The following UCN3 variants were observed in gnomAD, a reference collection of about 807,000 sequenced individuals.
UCN3 encodes urocortin-3.
Under a neutral mutation model 3.6 loss-of-function variants are expected in UCN3, and 3 were observed. The observed-to-expected ratio is 0.83, with a 90% CI of 0.38 to 2.15. UCN3 has a LOEUF of 2.15. UCN3 is among the 30% of genes most tolerant of loss of function. UCN3 has a pLI of 0.06. For missense variants in UCN3, 206 were observed against 208.3 expected (o/e 0.99, Z 0.07); for synonymous variants, 100 against 93.2 (o/e 1.07, Z -0.42).
chr10:5,370,411 G>A (rs1340335537), intron 1 of UCN3, among the ~76,000 whole-genome samples: 9 of 42,778 alleles, frequency 2.1e-4, no homozygotes, highest in African/African-American at 5.4e-4. Context: ...GTGTGTATAT[G>A]TGTGTGTGTA....
At chr10:5,369,392 G>A (rs1227181629) in intron 1 of UCN3, among the ~76,000 whole-genome samples, 1 of 152,258 alleles carries the variant, frequency 6.6e-6, no homozygotes, top group Non-Finnish European at 1.5e-5. Flanking sequence ...CAGACAAGGA[G>A]CTTTCATACA....
chr10:5,370,705 GTA>G (rs1831388756), intron 1 of UCN3, among the ~76,000 whole-genome samples: 2 of 107,094 alleles, frequency 1.9e-5, no homozygotes, highest in South Asian at 3.8e-4. Context: ...ATATGTGTGT[GTA>G]TATGATGTGT....
intron 1 of UCN3, among the ~76,000 whole-genome samples, chr10:5,371,704 A>G (rs1193743560): frequency 6.6e-6 from 1 of 152,184 alleles, no homozygotes; most frequent in African/African-American, 2.4e-5. Flanking sequence ...CCTGCTCTGC[A>G]CTGTCACCGC....
chr10:5,370,889 G>GTATGTGCGTGTC (rs1831410189), intron 1 of UCN3, among the ~76,000 whole-genome samples: 1 of 145,408 alleles, frequency 6.9e-6, no homozygotes, highest in Admixed American at 6.8e-5. Flanking sequence ...ATATGCGTGT[G>GTATGTGCGTGTC]TATATGCGTG....
Position 5,374,559 on chromosome 10 carries a change from G to T in UCN3, c.*353G>T, listed in dbSNP as rs959377024. On this transcript the variant is annotated 3_prime_UTR_variant, in exon 2 of 2. Coordinates refer to ENST00000380433, the MANE Select transcript of UCN3 (RefSeq NM_053049.4). The stretch of plus-strand genomic sequence containing the variant: ...TCTTCTCTCTGTTGACCCCATGCCT[G>T]AGAAGAGAGCGTTCAGGGCTCCTCT... The T allele has an allele frequency of 4.6e-6, 1 of 218,412 alleles. No individual in the cohort carries two copies. Among genetic ancestry groups the T allele is most frequent in the African/African-American group, 2.3e-5 (1 of 43,966 alleles). The allele number at this position is 218,412 out of a possible 1,614,324, so 13.5% of individuals were successfully genotyped here.
rs1831408261 is a variant in UCN3 at position 5,370,871 on chromosome 10, G to GTGTGTATA, written c.-6-2839_-6-2838insATATGTGT. On this transcript the variant is annotated intron_variant, in intron 1 of 1. Coordinates refer to ENST00000380433, the MANE Select transcript of UCN3 (RefSeq NM_053049.4). Reference sequence around the variant, plus strand: ...TGTGCGCGTGTGTGTGCGTGTGTATGTGTGTGTATATGCGTGTGTATATGC... The same window carrying GTGTGTATA: ...TGTGCGCGTGTGTGTGCGTGTGTATGTGTGTATATGTGTGTATATGCGTGTGTATATGC... 1.5e-4 allele frequency among the ~76,000 whole-genome samples: 20 copies of GTGTGTATA among 135,326 alleles called. 1 individual carries two copies. The highest frequency in any genetic ancestry group is 3.0e-4 in the African/African-American group (10 of 33,516). 88.8% of individuals were successfully genotyped at this position (135,326 alleles called of 152,430 possible). A position where few individuals can be genotyped will look rare whatever the true frequency, so the allele number is the denominator to read the frequency against.
intron 1 of UCN3, among the ~76,000 whole-genome samples, chr10:5,371,790 A>T (rs939482664): frequency 6.6e-6 from 1 of 152,226 alleles, no homozygotes; most frequent in East Asian, 1.9e-4. Flanking sequence ...TACTTACCCA[A>T]TTGTTCTTAT....
Position 5,370,884 on chromosome 10 carries a change from CGT to C in UCN3, c.-6-2826_-6-2825del, listed in dbSNP as rs1372888982. ...GTGCGTGTGTATGTGTGTGTATATG[CGT>C]GTGTATATGCGTGTGTATATGCGTG... On this transcript the variant is annotated intron_variant, in intron 1 of 1. Coordinates refer to ENST00000380433, the MANE Select transcript of UCN3 (RefSeq NM_053049.4). 1.0e-3 allele frequency among the ~76,000 whole-genome samples: 33 copies of C among 32,444 alleles called. 2 individuals are homozygous for C. The highest frequency in any genetic ancestry group is 5.3e-3 in the South Asian group (4 of 752). The allele number at this position is 32,444 out of a possible 152,430, so 21.3% of individuals were successfully genotyped here. A position where few individuals can be genotyped will look rare whatever the true frequency, so the allele number is the denominator to read the frequency against.
chr10:5,370,022 T>TGTGTGTATATGC lies in UCN3; in HGVS notation c.-6-3672_-6-3661dup, dbSNP rs1398139118. Reference sequence around the variant, plus strand: ...GTGTGTGTGTATGTGTGTGTATATGTGTGTGTATATGCGTGTGTATATGCG... The same window carrying TGTGTGTATATGC: ...GTGTGTGTGTATGTGTGTGTATATGTGTGTGTATATGCGTGTGTATATGCGTGTGTATATGCG... On this transcript the variant is annotated intron_variant, in intron 1 of 1. Coordinates refer to ENST00000380433, the MANE Select transcript of UCN3 (RefSeq NM_053049.4). Among the ~76,000 whole-genome samples the TGTGTGTATATGC allele has an allele frequency of 9.7e-5, 6 of 61,572 alleles. 1 individual carries two copies. Among genetic ancestry groups the TGTGTGTATATGC allele is most frequent in the South Asian group, 1.2e-3 (2 of 1,666 alleles). 40.4% of individuals were successfully genotyped at this position (61,572 alleles called of 152,430 possible). A position where few individuals can be genotyped will look rare whatever the true frequency, so the allele number is the denominator to read the frequency against.
chr10:5,369,931 G>GTTCA (rs1564442107), intron 1 of UCN3, among the ~76,000 whole-genome samples: 5 of 127,156 alleles, frequency 3.9e-5, no homozygotes, highest in African/African-American at 1.7e-4. Context: ...GTGTATGTGT[G>GTTCA]TGTGTGTATG....
intron 1 of UCN3, 91 bp from the exon 2 acceptor site, chr10:5,373,624 A>G: frequency 6.6e-7 from 1 of 1,520,310 alleles, no homozygotes; most frequent in Non-Finnish European, 8.8e-7. Flanking sequence ...GTAGTGGAAC[A>G]TTAACAACAC....
At position 5,366,778 on chromosome 10, in the gene UCN3, G is replaced by A. The variant is rs1414199428; in HGVS notation, c.-7+1548G>A. Among the ~76,000 whole-genome samples, 2 of 152,150 alleles carry A rather than the reference G, an allele frequency of 1.3e-5. No homozygotes were observed. Among genetic ancestry groups the A allele is most frequent in the African/African-American group, 4.8e-5 (2 of 41,432 alleles). On this transcript the variant is annotated intron_variant, in intron 1 of 1. Coordinates refer to ENST00000380433, the MANE Select transcript of UCN3 (RefSeq NM_053049.4). This position sits in a 1 kb window ranked among gnomAD's most constrained non-coding sequence, Gnocchi z 4.2. Reference sequence around the variant, plus strand: ...GGAGGTTCCTTTGCTGTGTAACTTTGCATCATTGCTGATGGTAAGGGGACA... The same window carrying A: ...GGAGGTTCCTTTGCTGTGTAACTTTACATCATTGCTGATGGTAAGGGGACA...
rs369776084 is a variant in UCN3 at position 5,370,665 on chromosome 10, ATGTGTG to A, written c.-6-3046_-6-3041del. Among the ~76,000 whole-genome samples the A allele has an allele frequency of 9.3e-4, 64 of 68,512 alleles. 7 individuals are homozygous for A. Among genetic ancestry groups the A allele is most frequent in the Non-Finnish European group, 1.5e-3 (54 of 36,948 alleles). 44.9% of individuals were successfully genotyped at this position (68,512 alleles called of 152,430 possible). On this transcript the variant is annotated intron_variant, in intron 1 of 1. Transcript: ENST00000380433. ...TGTATATGTGTGTGTATGTGTGTGT[ATGTGTG>A]TGTATGTGTGTGTGTATGTGTGTAT...
rs994774477 is a variant in UCN3, at chr10:5,365,864, A to G, written c.-7+634A>G. On this transcript the variant is annotated intron_variant, in intron 1 of 1. Coordinates refer to ENST00000380433, the MANE Select transcript of UCN3 (RefSeq NM_053049.4). This position sits in a 1 kb window ranked among gnomAD's most constrained non-coding sequence, Gnocchi z 4.4. ...AAAGCCCAGAGCCCTTTGCCACACTAGGAACATTGCGGGGGTGTGTGCAGA... is the reference window on the plus strand; with the variant it reads ...AAAGCCCAGAGCCCTTTGCCACACTGGGAACATTGCGGGGGTGTGTGCAGA... Among the ~76,000 whole-genome samples, 4 of 152,172 alleles carry G rather than the reference A, an allele frequency of 2.6e-5. No individual in the cohort carries two copies. The highest frequency in any genetic ancestry group is 5.9e-5 in the Non-Finnish European group (4 of 68,028).
intron 1 of UCN3, among the ~76,000 whole-genome samples, chr10:5,370,143 G>A (rs1184855736): frequency 4.3e-5 from 2 of 46,088 alleles, no homozygotes; most frequent in Non-Finnish European, 8.0e-5. Context: ...GTGTGTGTAT[G>A]CGTGTGTATA....
chr10:5,370,310 CGTGTATGT>C (rs1404628693), intron 1 of UCN3, among the ~76,000 whole-genome samples: 112 of 6,806 alleles, frequency 0.016, 12 homozygotes, highest in Non-Finnish European at 0.025. Flanking sequence ...TGTGTATATG[CGTGTATGT>C]GTGTGTATAT....
chr10:5,371,896 G>A (rs1284190058), intron 1 of UCN3, among the ~76,000 whole-genome samples: 5 of 151,838 alleles, frequency 3.3e-5, no homozygotes, highest in South Asian at 2.1e-4. Flanking sequence ...GTATGTCTTC[G>A]GTAATAAAGT....
rs1356065423 is a variant in UCN3 at position 5,365,756 on chromosome 10, G to A, written c.-7+526G>A. ...GCAGGTAACGTCTCCTTCCTAGGAC[G>A]CGGCAAGTGAAATGCAGGTTAAGGG... is the stretch of plus-strand genomic sequence containing the variant. On this transcript the variant is annotated intron_variant, in intron 1 of 1. Coordinates refer to ENST00000380433, the MANE Select transcript of UCN3 (RefSeq NM_053049.4). This position sits in a 1 kb window ranked among gnomAD's most constrained non-coding sequence, Gnocchi z 4.4. Among the ~76,000 whole-genome samples, 1 of 152,158 alleles carries A rather than the reference G, an allele frequency of 6.6e-6. No homozygotes were observed. Among genetic ancestry groups the A allele is most frequent in the Non-Finnish European group, 1.5e-5 (1 of 68,036 alleles).
chr10:5,374,043 G>T lies in UCN3; in HGVS notation c.323G>T (p.Arg108Leu), dbSNP rs781893035. ...VSQAQPRGKP[R>L]QDTAKSPHRT... ...CAAGCACAGCCCAGGGGAAAGCCAC[G>T]CCAGGACACGGCCAAGAGTCCCCAC... The change falls in exon 2 of 2, where the codon CGC becomes CTC. Residue 108 changes from arginine to leucine, a missense_variant. Coordinates refer to ENST00000380433, the MANE Select transcript of UCN3 (RefSeq NM_053049.4). 2.0e-5 allele frequency: 33 copies of T among 1,612,688 alleles called. No homozygotes were observed. The highest frequency in any genetic ancestry group is 2.7e-5 in the Non-Finnish European group (32 of 1,179,472).
Sources: allele counts gnomAD v4.1 joint callset (sites outside exome capture counted in the v4.1 genomes callset), GRCh38; gene constraint gnomAD v4.1.1; non-coding constraint Gnocchi (gnomAD v3.1); transcripts MANE v1.5; gene names NCBI Gene and HGNC (gene_info 2026-07-23, HGNC 2026-07-21).